B4GALT1: variants seen among roughly 807,000 people sequenced by gnomAD.
B4GALT1 encodes the protein N-acetyllactosamine synthase.
In B4GALT1, 16 loss-of-function variants were observed where a neutral mutation model predicts 34.9. That is an observed-to-expected ratio of 0.46 (90% CI 0.31 to 0.70). The LOEUF is 0.70. B4GALT1 is among the 30% of genes least tolerant of loss of function. B4GALT1 has a pLI of 0.05. For missense variants in B4GALT1, 445 were observed against 530.5 expected (o/e 0.84, Z 1.58); for synonymous variants, 221 against 218.1 (o/e 1.01, Z -0.12).
downstream of B4GALT1, among the ~76,000 whole-genome samples, chr9:33,109,235 A>G (rs1419148268): frequency 6.6e-6 from 1 of 152,216 alleles, no homozygotes; most frequent in Non-Finnish European, 1.5e-5. Flanking sequence ...AAAAACCAGA[A>G]GGACAGGGTC....
chr9:33,181,330 G>A, the B4GALT1 span, among the ~76,000 whole-genome samples: 1 of 151,938 alleles, frequency 6.6e-6, no homozygotes, highest in Non-Finnish European at 1.5e-5. Flanking sequence ...AGGCTGAGGT[G>A]AGAGGATTGC....
At chr9:33,170,550 G>T (rs184093250), upstream of B4GALT1, among the ~76,000 whole-genome samples, 1 of 152,144 alleles carries the variant, frequency 6.6e-6, no homozygotes, top group Non-Finnish European at 1.5e-5. Flanking sequence ...ACAGGACTGC[G>T]GGGGTTATTA....
intron 4 of B4GALT1, 79 bp downstream of exon 4, chr9:33,115,911 TG>T: frequency 6.4e-7 from 1 of 1,552,096 alleles, no homozygotes. Flanking sequence ...GGTCAGTCCT[TG>T]GGGAACAACC....
chr9:33,115,036 A>G (rs532576070), intron 4 of B4GALT1, among the ~76,000 whole-genome samples: 4 of 152,062 alleles, frequency 2.6e-5, no homozygotes, highest in South Asian at 4.2e-4. Context: ...TCTGGACCCT[A>G]TGTCCAGGTT....
intron 5 of B4GALT1, 60 bp downstream of exon 5, chr9:33,113,714 C>A: frequency 6.2e-7 from 1 of 1,608,820 alleles, no homozygotes; most frequent in Non-Finnish European, 8.5e-7. Context: ...CCCAGAGCCT[C>A]GGACCTGCAG....
At chr9:33,131,993 G>GA (rs1840199635) in intron 2 of B4GALT1, among the ~76,000 whole-genome samples, 2 of 151,996 alleles carry the variant, frequency 1.3e-5, no homozygotes, top group Admixed American at 6.6e-5. Context: ...GATCAATTAG[G>GA]GTGAGATTGG....
intron 4 of B4GALT1, 29 bp downstream of exon 4, chr9:33,115,962 G>A (rs139293818): frequency 2.5e-6 from 4 of 1,603,656 alleles, no homozygotes; most frequent in East Asian, 2.3e-5. Context: ...GTTGACAGAG[G>A]AGAAAGATAT....
At chr9:33,142,926 C>T (rs946945075) in intron 1 of B4GALT1, among the ~76,000 whole-genome samples, 5 of 152,062 alleles carry the variant, frequency 3.3e-5, no homozygotes, top group Non-Finnish European at 7.4e-5. Flanking sequence ...GGGTGGATCA[C>T]CTGAGGTCAG....
rs112818737 is a variant in B4GALT1, at chr9:33,128,938, G to C, written c.648+6251C>G. Among the ~76,000 whole-genome samples the C allele has an allele frequency of 1.0e-2, 1,520 of 152,256 alleles. 24 individuals carry two copies. Among genetic ancestry groups the C allele is most frequent in the African/African-American group, 0.035 (1,433 of 41,534 alleles). On this transcript the variant is annotated intron_variant, in intron 2 of 5. Coordinates refer to ENST00000379731, the MANE Select transcript of B4GALT1 (RefSeq NM_001497.4). The stretch of plus-strand genomic sequence containing the variant: ...TACTCTTGCTCACTGAGGGTACAAA[G>C]GACTGTCTCCAAATCCATCCTCAAC...
At chr9:33,158,123 TC>T (rs535619702) in intron 1 of B4GALT1, among the ~76,000 whole-genome samples, 4 of 151,472 alleles carry the variant, frequency 2.6e-5, no homozygotes, top group African/African-American at 4.9e-5. Flanking sequence ...AACCAGGTTT[TC>T]CCCCCCACTC....
upstream of B4GALT1, among the ~76,000 whole-genome samples, chr9:33,168,431 C>G (rs934027960): frequency 6.6e-6 from 1 of 152,178 alleles, no homozygotes; most frequent in Non-Finnish European, 1.5e-5. Context: ...AAGTTGAGGG[C>G]TCTGGCAGCC....
At chr9:33,127,114 C>T (rs1821665282) in intron 2 of B4GALT1, among the ~76,000 whole-genome samples, 9 of 152,138 alleles carry the variant, frequency 5.9e-5, no homozygotes, top group Admixed American at 5.9e-4. Context: ...CAAGTGCCCG[C>T]CACCACGCCC....
At chr9:33,157,136 A>ACACACC (rs1272692373) in intron 1 of B4GALT1, among the ~76,000 whole-genome samples, 1 of 150,294 alleles carries the variant, frequency 6.7e-6, no homozygotes, top group Non-Finnish European at 1.5e-5. Flanking sequence ...ACACACACAC[A>ACACACC]CACACACACA....
intron 1 of B4GALT1, among the ~76,000 whole-genome samples, chr9:33,155,880 A>G (rs1458709144): frequency 6.6e-6 from 1 of 152,154 alleles, no homozygotes; most frequent in Non-Finnish European, 1.5e-5. Flanking sequence ...CCTCTTACCA[A>G]CATCTTGAGG....
At position 33,113,237 on chromosome 9, in the gene B4GALT1, A is replaced by G. The variant is rs1839889490; in HGVS notation, c.*217T>C. 1.5e-6 allele frequency: 1 copy of G among 649,062 alleles called. No homozygotes were observed. 40.2% of individuals were successfully genotyped at this position (649,062 alleles called of 1,614,324 possible). A position where few individuals can be genotyped will look rare whatever the true frequency, so the allele number is the denominator to read the frequency against. Reference sequence around the variant, plus strand: ...AACACATCAAGAAACCCGCAAAGGCATAAACACCTTGCAGAGCTAAGAATT... The same window carrying G: ...AACACATCAAGAAACCCGCAAAGGCGTAAACACCTTGCAGAGCTAAGAATT... On this transcript the variant is annotated 3_prime_UTR_variant, in exon 6 of 6. Transcript: ENST00000379731.
chr9:33,139,151 T>C (rs1840312566), intron 1 of B4GALT1, among the ~76,000 whole-genome samples: 2 of 152,184 alleles, frequency 1.3e-5, no homozygotes, highest in South Asian at 4.1e-4. Flanking sequence ...AATTGATACT[T>C]TCTGGGTACC....
chr9:33,160,374 G>C (rs1840656586), intron 1 of B4GALT1, among the ~76,000 whole-genome samples: 1 of 152,156 alleles, frequency 6.6e-6, no homozygotes, highest in Non-Finnish European at 1.5e-5. Flanking sequence ...GATTTTTAAA[G>C]GTATAGGGTC....
intron 1 of B4GALT1, among the ~76,000 whole-genome samples, chr9:33,149,152 A>G (rs1409355656): frequency 6.6e-6 from 1 of 152,034 alleles, no homozygotes; most frequent in African/African-American, 2.4e-5. Flanking sequence ...TGTAGATGCT[A>G]AAACCCAGTG....
At chr9:33,178,088 C>T in the B4GALT1 span, among the ~76,000 whole-genome samples, 4 of 146,606 alleles carry the variant, frequency 2.7e-5, no homozygotes, top group African/African-American at 1.0e-4. Flanking sequence ...ACCTCTTGGG[C>T]TCAGGTGATC....
Sources: allele counts gnomAD v4.1 joint callset (sites outside exome capture counted in the v4.1 genomes callset), GRCh38; gene constraint gnomAD v4.1.1; transcripts MANE v1.5; gene names NCBI Gene and HGNC (gene_info 2026-07-23, HGNC 2026-07-21).